The following NUB1 variants were observed in gnomAD, a reference collection of about 807,000 sequenced individuals.
NUB1 encodes the protein NEDD8 ultimate buster 1.
In NUB1, 41 loss-of-function variants were observed where a neutral mutation model predicts 77.1. The ratio of observed to expected loss-of-function variants is 0.53; its 90% CI spans 0.41 to 0.69. The LOEUF (loss-of-function observed/expected upper bound fraction) is 0.69. Among genes scored for constraint, NUB1 ranks in the 30% least tolerant of loss-of-function variants. NUB1 has a pLI of 0.00. For missense variants in NUB1, 643 were observed against 743.8 expected (o/e 0.86, Z 1.58); for synonymous variants, 257 against 281.0 (o/e 0.91, Z 0.85).
chr7:151,376,138 G>T, intron 13 of NUB1, 195 bp downstream of exon 13: 1 of 549,958 alleles, frequency 1.8e-6, no homozygotes, highest in Non-Finnish European at 3.3e-6. Context: ...TTGGAAAGCA[G>T]GAAAACTGGG....
rs1797607268 is a variant in NUB1, at chr7:151,365,103, TGTGAGCCAC to T, written c.801-1835_801-1827del. ...CCTCCCAAAGTGCTGAGATTACAGG[TGTGAGCCAC>T]CACACCCAGCCTTCTAAATGCAATT... On this transcript the variant is annotated intron_variant, in intron 8 of 14. Transcript: ENST00000568733. Among the ~76,000 whole-genome samples, 3 of 151,894 alleles carry T rather than the reference TGTGAGCCAC, an allele frequency of 2.0e-5. No homozygotes were observed. In the South Asian group the frequency reaches 6.2e-4, roughly 32 times the overall value.
At chr7:151,364,851 T>A (rs1797588814) in intron 8 of NUB1, among the ~76,000 whole-genome samples, 2 of 152,038 alleles carry the variant, frequency 1.3e-5, no homozygotes, top group Admixed American at 1.3e-4. Flanking sequence ...CTCAGTAGAT[T>A]TTATTTAAAT....
intron 2 of NUB1, among the ~76,000 whole-genome samples, chr7:151,347,172 G>T (rs540239148): frequency 6.6e-6 from 1 of 152,116 alleles, no homozygotes; most frequent in Non-Finnish European, 1.5e-5. Flanking sequence ...AAAATATAAA[G>T]AATGTATTTT....
chr7:151,362,318 T>A (rs1260205729), intron 8 of NUB1, among the ~76,000 whole-genome samples: 1 of 152,204 alleles, frequency 6.6e-6, no homozygotes, highest in Non-Finnish European at 1.5e-5. Context: ...TTTGTGTGTG[T>A]GTGATTTCTC....
Position 151,349,154 on chromosome 7 carries a change from G to A in NUB1, c.199G>A (p.Ala67Thr), listed in dbSNP as rs774339654. ...EKVIEEIRCK[A>T]IERGTGNDNY... is the part of the protein sequence containing the mutation. ...GGTAATAGAAGAAATACGTTGCAAG[G>A]CAATTGAGCGTGGAACAGGAAATGA... Residue 67 changes from alanine to threonine, a missense_variant, in exon 3 of 15, where the codon GCA (alanine) becomes ACA (threonine). Coordinates refer to ENST00000568733, the MANE Select transcript of NUB1 (RefSeq NM_001243351.2). 7.4e-6 allele frequency: 12 copies of A among 1,613,534 alleles called. No homozygotes were observed. The South Asian group carries it at 9.9e-5, about 13-fold the overall frequency.
chr7:151,345,582 G>A lies in NUB1; in HGVS notation c.117+116G>A. ...TTTTGGCATAACCAAAAGCATTAGT[G>A]GTGAGCGGGTACCCACTTTTTACTA... On this transcript the variant is annotated intron_variant, in intron 2 of 14. Coordinates refer to ENST00000568733, the MANE Select transcript of NUB1 (RefSeq NM_001243351.2). 7.1e-6 allele frequency: 4 copies of A among 565,108 alleles called. No individual in the cohort carries two copies. In the South Asian group the frequency reaches 1.1e-4, roughly 16 times the overall value. The allele number at this position is 565,108 out of a possible 1,614,324, so 35.0% of individuals were successfully genotyped here.
intron 8 of NUB1, among the ~76,000 whole-genome samples, chr7:151,365,973 A>G (rs547420736): frequency 6.6e-6 from 1 of 152,172 alleles, no homozygotes; most frequent in Non-Finnish European, 1.5e-5. Flanking sequence ...ATACAAGAGC[A>G]TTCTTATTTT....
At chr7:151,362,221 GTCTT>G (rs1797410287) in intron 8 of NUB1, among the ~76,000 whole-genome samples, 3 of 152,096 alleles carry the variant, frequency 2.0e-5, no homozygotes, top group Admixed American at 6.5e-5. Flanking sequence ...AATTAACAAT[GTCTT>G]TCTAAGTAGA....
In NUB1 at chr7:151,376,671, C is replaced by G. The variant is rs757530513; in HGVS notation, c.1529C>G (p.Ala510Gly). 23 of 1,611,506 alleles carry G rather than the reference C, an allele frequency of 1.4e-5. No individual in the cohort carries two copies. The highest frequency in any genetic ancestry group is 1.9e-5 in the Non-Finnish European group (22 of 1,179,042). The change falls in exon 14 of 15, where the codon GCT (alanine) becomes GGT (glycine). Residue 510 changes from alanine (A) to glycine (G), a missense_variant. Coordinates refer to ENST00000568733, the MANE Select transcript of NUB1 (RefSeq NM_001243351.2). Reference protein sequence around the residue: ...YMGFDALVAEAALRVFRGNVQ... With the variant: ...YMGFDALVAEGALRVFRGNVQ... ...GGTTTTGATGCACTCGTGGCCGAAG[C>G]TGCGCTGAGAGTGTTCAGAGGCAAC...
Position 151,366,975 on chromosome 7 carries a change from C to A in NUB1, c.837C>A (p.Asn279Lys). ...CCRELLDTVD[N>K]YAVLQLDIVW... Reference sequence around the variant, plus strand: ...GAGAGCTGCTGGACACAGTGGATAACTACGCCGTCCTCCAGCTGGATATAG... The same window carrying A: ...GAGAGCTGCTGGACACAGTGGATAAATACGCCGTCCTCCAGCTGGATATAG... Residue 279 changes from asparagine to lysine, a missense_variant, in exon 9 of 15, where the codon AAC (asparagine) becomes AAA (lysine). Physicochemically the swap from Asn to Lys is moderately conservative, Grantham distance 94. Coordinates refer to ENST00000568733, the MANE Select transcript of NUB1 (RefSeq NM_001243351.2). 2 of 1,613,262 alleles carry A rather than the reference C, an allele frequency of 1.2e-6. No individual in the cohort carries two copies. Among genetic ancestry groups the A allele is most frequent in the Non-Finnish European group, 1.7e-6 (2 of 1,179,528 alleles).
At chr7:151,363,026 T>TA (rs1436314367) in intron 8 of NUB1, among the ~76,000 whole-genome samples, 1 of 152,216 alleles carries the variant, frequency 6.6e-6, no homozygotes, top group Non-Finnish European at 1.5e-5. Flanking sequence ...ACCCTTAACT[T>TA]ACCGTTTTCA....
At chr7:151,375,795 G>A (rs1798189550) in intron 12 of NUB1, 53 bp from the exon 13 acceptor site, 12 of 1,205,160 alleles carry the variant, frequency 1.0e-5, no homozygotes, top group Non-Finnish European at 1.4e-5. Context: ...GCGCCTGTCT[G>A]AATGTGTGAA....
chr7:151,345,467 G>A lies in NUB1; in HGVS notation c.117+1G>A, dbSNP rs1258433266. ...TAAAAAAGTTGGTTTGGCATTAAAGGTATTTTTCTTTTAAGACATCAATAA... is the reference window on the plus strand; with the variant it reads ...TAAAAAAGTTGGTTTGGCATTAAAGATATTTTTCTTTTAAGACATCAATAA... On this transcript the variant is annotated splice_donor_variant, in intron 2 of 14. Transcript: ENST00000568733. LOFTEE classifies it high-confidence loss of function. The A allele has an allele frequency of 2.0e-6, 3 of 1,494,182 alleles. No homozygotes were observed. The highest frequency in any genetic ancestry group is 1.8e-5 in the Admixed American group (1 of 54,286). 92.6% of individuals were successfully genotyped at this position (1,494,182 alleles called of 1,614,324 possible).
Position 151,377,375 on chromosome 7 carries a change from G to T in NUB1, c.*150G>T. Reference sequence around the variant, plus strand: ...TGGGCAGGGGACAAGTCCAGGAGGGGTCCCAGGGCCTTCATGCGTGGTCTC... The same window carrying T: ...TGGGCAGGGGACAAGTCCAGGAGGGTTCCCAGGGCCTTCATGCGTGGTCTC... On this transcript the variant is annotated 3_prime_UTR_variant, in exon 15 of 15. Coordinates refer to ENST00000568733, the MANE Select transcript of NUB1 (RefSeq NM_001243351.2). 5.5e-6 allele frequency: 3 copies of T among 543,220 alleles called. No individual in the cohort carries two copies. Among genetic ancestry groups the T allele is most frequent in the Non-Finnish European group, 6.2e-6 (2 of 321,026 alleles). 33.6% of individuals were successfully genotyped at this position (543,220 alleles called of 1,614,324 possible). A position where few individuals can be genotyped will look rare whatever the true frequency, so the allele number is the denominator to read the frequency against.
intron 7 of NUB1, among the ~76,000 whole-genome samples, chr7:151,356,751 C>T (rs543425159): frequency 6.6e-6 from 1 of 152,184 alleles, no homozygotes; most frequent in East Asian, 1.9e-4. Context: ...GAGTTTTGCT[C>T]TTGTTGCTCA....
chr7:151,349,724 C>A (rs1300616406), intron 3 of NUB1, among the ~76,000 whole-genome samples: 1 of 152,228 alleles, frequency 6.6e-6, no homozygotes, highest in Admixed American at 6.5e-5. Context: ...GCAAGGCACC[C>A]AGAGCCTCTT....
chr7:151,354,739 CTT>C (rs1479763508), intron 5 of NUB1, among the ~76,000 whole-genome samples: 1 of 152,064 alleles, frequency 6.6e-6, no homozygotes, highest in Non-Finnish European at 1.5e-5. Flanking sequence ...AGCCCATGGT[CTT>C]TGCTTTTATT....
intron 10 of NUB1, 50 bp downstream of exon 10, chr7:151,368,018 TC>T: frequency 9.2e-7 from 1 of 1,084,892 alleles, no homozygotes; most frequent in Non-Finnish European, 1.4e-6. Context: ...TAAAAAACAT[TC>T]CCAGAAGTTA....
intron 2 of NUB1, among the ~76,000 whole-genome samples, chr7:151,348,354 C>G (rs1347333917): frequency 6.6e-6 from 1 of 151,748 alleles, no homozygotes; most frequent in African/African-American, 2.4e-5. Context: ...TTTGTTCTCA[C>G]AAGTTTGAAA....
Sources: gnomAD v4.1 joint callset for allele counts (sites outside exome capture counted in the v4.1 genomes callset) on GRCh38, gnomAD v4.1.1 for gene constraint, MANE v1.5 for transcripts, NCBI Gene and HGNC (gene_info 2026-07-23, HGNC 2026-07-21) for gene names.